Variants in CSMD1 observed in about 807,000 individuals in gnomAD.
CSMD1 encodes CUB and sushi domain-containing protein 1.
Under a neutral mutation model 417.5 loss-of-function variants are expected in CSMD1, and 213 were observed. That is an observed-to-expected ratio of 0.51 (90% CI 0.46 to 0.57). The LOEUF (loss-of-function observed/expected upper bound fraction) is 0.57. Among genes scored for constraint, CSMD1 ranks in the 20% least tolerant of loss-of-function variants. The probability of loss-of-function intolerance (pLI) is 0.00; values close to 1 mark genes in which losing one functional copy is unlikely to be tolerated. For synonymous variants in CSMD1, 2,862 were observed against 1,736.8 expected, an observed-to-expected ratio of 1.65 and a Z score of -16.11; for missense variants, 6,923 against 4,529.7, an observed-to-expected ratio of 1.53 and a Z score of -15.17.
chr8:3,846,777 G>A (rs569086916), intron 5 of CSMD1, among the ~76,000 whole-genome samples: 3 of 151,984 alleles, frequency 2.0e-5, no homozygotes, highest in African/African-American at 2.4e-5. Flanking sequence ...TGGTTCTAGC[G>A]ATTCTCCTGT....
At chr8:3,478,000 T>G (rs1237415679) in intron 11 of CSMD1, among the ~76,000 whole-genome samples, 1 of 152,204 alleles carries the variant, frequency 6.6e-6, no homozygotes, top group East Asian at 1.9e-4. Flanking sequence ...AAATACAATG[T>G]TAAAACTGAA....
At chr8:4,415,524 G>A (rs955766836) in intron 3 of CSMD1, among the ~76,000 whole-genome samples, 2 of 152,054 alleles carry the variant, frequency 1.3e-5, no homozygotes, top group South Asian at 2.1e-4. Flanking sequence ...TTGCTCTTCC[G>A]CCCTGTTTTA....
At chr8:3,550,316 C>T (rs1798856457) in intron 10 of CSMD1, among the ~76,000 whole-genome samples, 1 of 152,136 alleles carries the variant, frequency 6.6e-6, no homozygotes, top group Non-Finnish European at 1.5e-5. Context: ...ACCTTTTTGG[C>T]ATTTCTTGGA....
intron 5 of CSMD1, among the ~76,000 whole-genome samples, chr8:3,866,919 G>A (rs1048997599): frequency 6.6e-6 from 1 of 152,138 alleles, no homozygotes; most frequent in Non-Finnish European, 1.5e-5. Context: ...TACTGCCACT[G>A]GACATATGCA....
chr8:3,537,669 A>T (rs1798260875), intron 10 of CSMD1, among the ~76,000 whole-genome samples: 1 of 152,236 alleles, frequency 6.6e-6, no homozygotes, highest in Non-Finnish European at 1.5e-5. Context: ...AATTACATAT[A>T]TTCATTTACA....
intron 21 of CSMD1, among the ~76,000 whole-genome samples, chr8:3,355,473 G>C (rs1030530887): frequency 1.3e-5 from 2 of 152,194 alleles, no homozygotes; most frequent in African/African-American, 2.4e-5. Context: ...AATGTGCTAA[G>C]CCAATCACGA....
chr8:4,833,750 A>T (rs1458778559), intron 1 of CSMD1, among the ~76,000 whole-genome samples: 1 of 152,172 alleles, frequency 6.6e-6, no homozygotes, highest in African/African-American at 2.4e-5. Context: ...CCTGATTTAC[A>T]TTGACTTCTA....
At chr8:3,204,833 A>G (rs1797163800) in intron 31 of CSMD1, among the ~76,000 whole-genome samples, 1 of 152,364 alleles carries the variant, frequency 6.6e-6, no homozygotes, top group East Asian at 1.9e-4. Context: ...GACAGCTACT[A>G]TCTGGTTTAC....
chr8:4,192,112 A>T lies in CSMD1; in HGVS notation c.416-160013T>A, dbSNP rs188244211. Among the ~76,000 whole-genome samples, 5 of 152,304 alleles carry T rather than the reference A, an allele frequency of 3.3e-5. No individual in the cohort carries two copies. In the East Asian group the frequency reaches 9.6e-4, roughly 29 times the overall value. ...AACCAAAAACGTGGGAAGGAGAAGG[A>T]TCATCTGCATTGCAAATATGACGCG... is the stretch of plus-strand genomic sequence containing the variant. On this transcript the variant is annotated intron_variant, in intron 3 of 69. Transcript: ENST00000635120.
At chr8:3,544,094 G>A (rs533277293) in intron 10 of CSMD1, among the ~76,000 whole-genome samples, 150 of 152,208 alleles carry the variant, frequency 9.9e-4, no homozygotes, top group Non-Finnish European at 1.7e-3. Flanking sequence ...GAACCAGAGC[G>A]ACTCCATCTT....
At chr8:3,651,764 C>G (rs1157962631) in intron 7 of CSMD1, among the ~76,000 whole-genome samples, 1 of 151,846 alleles carries the variant, frequency 6.6e-6, no homozygotes, top group African/African-American at 2.4e-5. Flanking sequence ...TTACTACCAA[C>G]AGAGCGCCTA....
chr8:3,369,805 G>T (rs1021458045), intron 18 of CSMD1, among the ~76,000 whole-genome samples: 1 of 152,160 alleles, frequency 6.6e-6, no homozygotes, highest in Non-Finnish European at 1.5e-5. Context: ...CATTTCAATG[G>T]GAAAGTGGCA....
intron 3 of CSMD1, among the ~76,000 whole-genome samples, chr8:4,147,414 T>A (rs1796304931): frequency 6.6e-6 from 1 of 152,104 alleles, no homozygotes; most frequent in African/African-American, 2.4e-5. Context: ...CTGCCCTGTC[T>A]AGAATGGCTT....
At chr8:4,936,352 G>A (rs561827823) in intron 1 of CSMD1, among the ~76,000 whole-genome samples, 6 of 152,202 alleles carry the variant, frequency 3.9e-5, no homozygotes, top group South Asian at 2.1e-4. Context: ...ATAGTAAATC[G>A]GCCTGGTTAA....
At chr8:4,273,485 C>T (rs943814712) in intron 3 of CSMD1, among the ~76,000 whole-genome samples, 2 of 152,058 alleles carry the variant, frequency 1.3e-5, no homozygotes, top group African/African-American at 4.8e-5. Context: ...GCCTAATAAA[C>T]TTATTTTGAG....
At chr8:3,174,646 G>C (rs1185974176) in intron 37 of CSMD1, among the ~76,000 whole-genome samples, 1 of 152,106 alleles carries the variant, frequency 6.6e-6, no homozygotes, top group East Asian at 1.9e-4. Context: ...TTTTCAAAAA[G>C]ATAATTACGT....
chr8:4,378,016 T>C (rs866584983), intron 3 of CSMD1, among the ~76,000 whole-genome samples: 9 of 152,248 alleles, frequency 5.9e-5, no homozygotes, highest in Admixed American at 2.6e-4. Flanking sequence ...AATTCCTTTA[T>C]TTGTATTCCC....
At chr8:4,116,639 C>G (rs972982757) in intron 3 of CSMD1, among the ~76,000 whole-genome samples, 5 of 149,632 alleles carry the variant, frequency 3.3e-5, no homozygotes, top group Non-Finnish European at 5.9e-5. Flanking sequence ...ATGAATGAAC[C>G]CTAACGTAAG....
At chr8:4,133,561 G>T (rs918920) in intron 3 of CSMD1, among the ~76,000 whole-genome samples, 80,944 of 151,904 alleles carry the variant, frequency 0.53, 21,718 homozygotes, top group East Asian at 0.61. Flanking sequence ...GGTTTTGTAG[G>T]AAAGCCGTGC....
Sources: allele counts gnomAD v4.1 joint callset (sites outside exome capture counted in the v4.1 genomes callset), GRCh38; gene constraint gnomAD v4.1.1; transcripts MANE v1.5; gene names NCBI Gene and HGNC (gene_info 2026-07-23, HGNC 2026-07-21).